The following VWCE variants were observed in gnomAD, a reference collection of about 807,000 sequenced individuals.
VWCE encodes the protein von Willebrand factor C and EGF domains.
In VWCE, 68 loss-of-function variants were observed where a neutral mutation model predicts 102.9. That is an observed-to-expected ratio of 0.66 (90% CI 0.54 to 0.81). VWCE has a LOEUF of 0.81. VWCE is among the 30% of genes least tolerant of loss of function. The probability of loss-of-function intolerance (pLI) is 0.00; values close to 1 mark genes in which losing one functional copy is unlikely to be tolerated. For synonymous variants in VWCE, 497 were observed against 515.4 expected, an observed-to-expected ratio of 0.96 and a Z score of 0.48; for missense variants, 1,137 against 1,263.6, an observed-to-expected ratio of 0.90 and a Z score of 1.52.
At chr11:61,270,571 G>C (rs1854655202) in intron 14 of VWCE, among the ~76,000 whole-genome samples, 3 of 152,202 alleles carry the variant, frequency 2.0e-5, no homozygotes, top group South Asian at 4.1e-4. Flanking sequence ...TTTCTGGGTG[G>C]ATAGCTGTGT....
At position 61,271,708 on chromosome 11, in the gene VWCE, C is replaced by T. The variant is rs141642839; in HGVS notation, c.1752G>A (p.Ser584=). The T allele has an allele frequency of 6.2e-6, 10 of 1,613,416 alleles. No individual in the cohort carries two copies. Among genetic ancestry groups the T allele is most frequent in the South Asian group, 3.3e-5 (3 of 90,938 alleles). Residue 584 remains serine, a synonymous_variant, in exon 14 of 20, where the codon TCG becomes TCA. Coordinates refer to ENST00000335613, the MANE Select transcript of VWCE (RefSeq NM_152718.2). ...GVEFPIGQIW[S]PGDPCELCIC... is the part of the protein sequence containing the mutation. Reference sequence around the variant, plus strand: ...TGCATAACTCACAGGGGTCACCAGGCGACCAGATCTGTCCAATCGGAAACT... The same window carrying T: ...TGCATAACTCACAGGGGTCACCAGGTGACCAGATCTGTCCAATCGGAAACT...
chr11:61,269,103 C>T (rs1450520569), intron 14 of VWCE, 85 bp from the exon 15 acceptor site: 2 of 1,305,924 alleles, frequency 1.5e-6, no homozygotes, highest in South Asian at 1.3e-5. Flanking sequence ...AGCAACGCTG[C>T]AAACTGGCCA....
In VWCE at chr11:61,278,473, C is replaced by T; in HGVS notation, c.1328G>A (p.Cys443Tyr). Residue 443 changes from cysteine (C) to tyrosine (Y), a missense_variant, in exon 10 of 20, where the codon TGT becomes TAT. Physicochemically the swap from Cys to Tyr is radical, Grantham distance 194. Transcript: ENST00000335613. ...AGCTCGGACGACACCACTGTGAAAACAGCCTTTGAAGGACAAATAGGAGGT... is the reference window on the plus strand; with the variant it reads ...AGCTCGGACGACACCACTGTGAAAATAGCCTTTGAAGGACAAATAGGAGGT... ...DGGCCPSCTG[C>Y]FHSGVVRAEG... 6.2e-7 allele frequency: 1 copy of T among 1,614,160 alleles called. No homozygotes were observed. The highest frequency in any genetic ancestry group is 8.5e-7 in the Non-Finnish European group (1 of 1,179,996).
chr11:61,291,563 G>T lies in VWCE; in HGVS notation c.124C>A (p.Pro42Thr). ...CCAAACCCAGAGAGGCAGACGTGGG[G>T]GCCCAGTCGGCGTCTGCAAGAGAAG... Reference protein sequence around the residue: ...HFAAERRRLGPHVCLSGFGSG... With the variant: ...HFAAERRRLGTHVCLSGFGSG... Residue 42 changes from proline (P) to threonine (T), a missense_variant, in exon 2 of 20, where the codon CCC becomes ACC. Physicochemically the swap from Pro to Thr is conservative, Grantham distance 38. Around this residue, in one of 5 missense-constraint regions of VWCE, gnomAD observed 575 missense variants for 625.9 expected, o/e 0.92. Coordinates refer to ENST00000335613, the MANE Select transcript of VWCE (RefSeq NM_152718.2). 1 of 1,445,966 alleles carries T rather than the reference G, an allele frequency of 6.9e-7. No individual in the cohort carries two copies. The highest frequency in any genetic ancestry group is 9.1e-7 in the Non-Finnish European group (1 of 1,094,242). The allele number at this position is 1,445,966 out of a possible 1,614,324, so 89.6% of individuals were successfully genotyped here.
At chr11:61,279,625 G>A (rs1855053809) in intron 9 of VWCE, among the ~76,000 whole-genome samples, 1 of 151,954 alleles carries the variant, frequency 6.6e-6, no homozygotes, top group African/African-American at 2.4e-5. Flanking sequence ...CCCTTAGGAA[G>A]ACTTTTTAAC....
intron 19 of VWCE, among the ~76,000 whole-genome samples, chr11:61,259,981 C>T (rs891800753): frequency 2.6e-5 from 4 of 152,202 alleles, no homozygotes; most frequent in Admixed American, 2.0e-4. Context: ...TCTGACCAAG[C>T]GCAGTGGCTC....
intron 16 of VWCE, 26 bp from the exon 17 acceptor site, chr11:61,265,238 G>C: frequency 6.8e-7 from 1 of 1,461,272 alleles, no homozygotes; most frequent in South Asian, 1.5e-5. Context: ...AACACACAAG[G>C]CCCTCGGTTC....
Position 61,281,860 on chromosome 11 carries a change from T to C in VWCE, c.713A>G (p.His238Arg), listed in dbSNP as rs1388584565. ...LERRVCHHSC[H>R]NTVGSFLCTC... ...GCATAGGAAGCTGCCCACGGTGTTG[T>C]GGCAGGAATGGTGACAGACTCGCCT... The change falls in exon 7 of 20, where the codon CAC (histidine) becomes CGC (arginine). Residue 238 changes from histidine to arginine, a missense_variant. His to Arg is a conservative substitution (Grantham distance 29). Around this residue, in one of 5 missense-constraint regions of VWCE, gnomAD observed 575 missense variants for 625.9 expected, o/e 0.92. Transcript: ENST00000335613. The C allele has an allele frequency of 1.2e-6, 2 of 1,613,808 alleles. No homozygotes were observed. The highest frequency in any genetic ancestry group is 2.7e-5 in the African/African-American group (2 of 74,932).
At chr11:61,264,275 T>C (rs1186371027) in intron 19 of VWCE, among the ~76,000 whole-genome samples, 1 of 106,194 alleles carries the variant, frequency 9.4e-6, no homozygotes, top group Non-Finnish European at 2.0e-5. Flanking sequence ...AAAAAGGGAG[T>C]GCAAATAAAC....
rs746917711 is a variant in VWCE at position 61,294,089 on chromosome 11, G to A, written c.110+839C>T. 2.0e-5 allele frequency among the ~76,000 whole-genome samples: 3 copies of A among 152,178 alleles called. No individual in the cohort carries two copies. Among genetic ancestry groups the A allele is most frequent in the Admixed American group, 6.5e-5 (1 of 15,282 alleles). The stretch of plus-strand genomic sequence containing the variant: ...CTGATGGAGTCGAACTCTCAGGTGG[G>A]CAGGGACCGAGCACCCGCCAGAGCG... On this transcript the variant is annotated intron_variant, in intron 1 of 19. Transcript: ENST00000335613. The surrounding 1 kb of genome is among the most constrained non-coding windows in gnomAD (Gnocchi z 6.3).
At position 61,294,424 on chromosome 11, in the gene VWCE, C is replaced by T. The variant is rs958768070; in HGVS notation, c.110+504G>A. On this transcript the variant is annotated intron_variant, in intron 1 of 19. Transcript: ENST00000335613. This position sits in a 1 kb window ranked among gnomAD's most constrained non-coding sequence, Gnocchi z 6.3. ...GCGAAAGACAGCGGAGGGGCATGCA[C>T]CCCACCCCCACGCGCGCACACGCAC... Among the ~76,000 whole-genome samples the T allele has an allele frequency of 1.3e-5, 2 of 152,158 alleles. No individual in the cohort carries two copies. Among genetic ancestry groups the T allele is most frequent in the African/African-American group, 4.8e-5 (2 of 41,438 alleles).
In VWCE at chr11:61,267,466, C is replaced by G. The variant is rs1315536021; in HGVS notation, c.1961G>C (p.Cys654Ser). The G allele has an allele frequency of 2.5e-6, 4 of 1,613,956 alleles. No homozygotes were observed. The Admixed American group carries it at 6.7e-5, about 27-fold the overall frequency. Reference protein sequence around the residue: ...SVLDPCLSCICLLGSVACSPV... With the variant: ...SVLDPCLSCISLLGSVACSPV... ...TCAGATCTGGGTGGTCCATACCAGG[C>G]AGATGCAGCTCAGACATGGGTCCAG... Residue 654 changes from cysteine (C) to serine (S), a missense_variant, in exon 16 of 20, where the codon TGC becomes TCC. Physicochemically the swap from Cys to Ser is moderately radical, Grantham distance 112. This residue lies in a region of VWCE where 212 missense variants were observed against 235.1 expected (regional missense o/e 0.90). Transcript: ENST00000335613.
intron 6 of VWCE, among the ~76,000 whole-genome samples, chr11:61,282,240 T>C (rs1855167686): frequency 6.6e-6 from 1 of 152,082 alleles, no homozygotes; most frequent in Non-Finnish European, 1.5e-5. Context: ...CACCCTCCCG[T>C]TTTTCTTTCC....
At chr11:61,279,758 C>T (rs1360898162) in intron 9 of VWCE, among the ~76,000 whole-genome samples, 1 of 152,050 alleles carries the variant, frequency 6.6e-6, no homozygotes, top group Non-Finnish European at 1.5e-5. Context: ...CAGGGTCTCA[C>T]TCTGTTGCCC....
intron 7 of VWCE, 132 bp downstream of exon 7, chr11:61,281,654 C>T: frequency 8.0e-7 from 1 of 1,247,468 alleles, no homozygotes; most frequent in Non-Finnish European, 1.1e-6. Context: ...TAGGGCGGGG[C>T]CAGGAGCTGA....
intron 13 of VWCE, among the ~76,000 whole-genome samples, chr11:61,272,925 C>T (rs1046748584): frequency 2.0e-5 from 3 of 151,890 alleles, no homozygotes; most frequent in African/African-American, 7.3e-5. Flanking sequence ...GACACACACT[C>T]ATATACATAA....
intron 4 of VWCE, among the ~76,000 whole-genome samples, chr11:61,288,921 C>T (rs1590657801): frequency 1.3e-5 from 2 of 151,816 alleles, no homozygotes; most frequent in East Asian, 3.9e-4. Context: ...TCACTGCAAC[C>T]TCCGCCTCCC....
rs372287462 is a variant in VWCE at position 61,281,882 on chromosome 11, G to A, written c.691C>T (p.Arg231Ter). Reference sequence around the variant, plus strand: ...TTGTGGCAGGAATGGTGACAGACTCGCCTCTCCAATGGCCTCCGACACTCG... The same window carrying A: ...TTGTGGCAGGAATGGTGACAGACTCACCTCTCCAATGGCCTCCGACACTCG... ...VNECRRPLER[R>*]VCHHSCHNTV... The change falls in exon 7 of 20, where the codon CGA becomes TGA. Residue 231 changes from arginine (R) to a stop codon, truncating the protein, a stop_gained. Coordinates refer to ENST00000335613, the MANE Select transcript of VWCE (RefSeq NM_152718.2). LOFTEE classifies it high-confidence loss of function. The A allele has an allele frequency of 1.9e-6, 3 of 1,613,714 alleles. No individual in the cohort carries two copies. Among genetic ancestry groups the A allele is most frequent in the Non-Finnish European group, 2.5e-6 (3 of 1,179,866 alleles).
chr11:61,284,951 CAA>C (rs561924825), intron 5 of VWCE, among the ~76,000 whole-genome samples: 4 of 138,200 alleles, frequency 2.9e-5, no homozygotes, highest in African/African-American at 5.3e-5. Flanking sequence ...TCCTCCATGT[CAA>C]AAAAAAAAAA....
Sources: allele counts gnomAD v4.1 joint callset (sites outside exome capture counted in the v4.1 genomes callset), GRCh38; gene constraint gnomAD v4.1.1; regional missense constraint gnomAD v4.1.1; non-coding constraint Gnocchi (gnomAD v3.1); transcripts MANE v1.5; gene names NCBI Gene and HGNC (gene_info 2026-07-23, HGNC 2026-07-21).